GLUL: variants seen among roughly 807,000 people sequenced by gnomAD.
The protein encoded by GLUL is glutamine synthetase.
In GLUL, 8 loss-of-function variants were observed where a neutral mutation model predicts 36.9. The ratio of observed to expected loss-of-function variants is 0.22; its 90% CI spans 0.13 to 0.39. The LOEUF (loss-of-function observed/expected upper bound fraction) is 0.39. GLUL is among the 10% of genes least tolerant of loss of function. GLUL has a pLI of 1.00. For synonymous variants in GLUL, 182 were observed against 172.8 expected (o/e 1.05, Z -0.42); for missense variants, 315 against 501.8 (o/e 0.63, Z 3.56).
rs1394274169 is a variant in GLUL, at chr1:182,381,028, A to C, written c.*3377T>G. ...ACTTTGGGAGGTGGAGGAGTTCAAG[A>C]CCAGTTCAAGACCTCACTTTGGGAG... On this transcript the variant is annotated 3_prime_UTR_variant, in exon 7 of 7. Transcript: ENST00000331872. 6.6e-6 allele frequency among the ~76,000 whole-genome samples: 1 copy of C among 152,170 alleles called. No homozygotes were observed. The highest frequency in any genetic ancestry group is 1.5e-5 in the Non-Finnish European group (1 of 68,030).
chr1:182,389,019 G>A (rs1427749084), intron 1 of GLUL: 1 of 384,874 alleles, frequency 2.6e-6, no homozygotes, highest in African/African-American at 2.4e-5. Context: ...GAAAAGATCA[G>A]GCCCTTGGTA....
intron 1 of GLUL, chr1:182,390,558 A>G (rs1650367184): frequency 2.5e-6 from 1 of 398,914 alleles, no homozygotes. Context: ...CTCTTTTTGG[A>G]GTGGCGTTCG....
rs4652703 is a variant in GLUL, at chr1:182,379,708, G to C, written c.*4697C>G. Among the ~76,000 whole-genome samples, 89,340 of 151,534 alleles carry C rather than the reference G, an allele frequency of 0.59. 27,199 individuals carry two copies. Among genetic ancestry groups the C allele is most frequent in the East Asian group, 0.83 (4,294 of 5,148 alleles). On this transcript the variant is annotated 3_prime_UTR_variant, in exon 7 of 7. Coordinates refer to ENST00000331872, the MANE Select transcript of GLUL (RefSeq NM_001033044.4). ...TGCCACCACGCCCAGCTAATTTTTC[G>C]TATTTTTTGTAGAGATGGGGTTTTG...
intron 3 of GLUL, chr1:182,386,663 G>A (rs543540403): frequency 3.7e-6 from 2 of 541,580 alleles, no homozygotes; most frequent in East Asian, 3.4e-5. Context: ...AGTGGATTTA[G>A]AACAGGGCAA....
rs1470137376 is a variant in GLUL, at chr1:182,382,553, C to T, written c.*1852G>A. ...CCAGTTAATCTTACATTATGTTAGG[C>T]TATTGTATTAGGCTAGGAATGGTCA... is the stretch of plus-strand genomic sequence containing the variant. On this transcript the variant is annotated 3_prime_UTR_variant, in exon 7 of 7. Transcript: ENST00000331872. The T allele has an allele frequency of 2.0e-5, 3 of 152,132 alleles. No homozygotes were observed. Among genetic ancestry groups the T allele is most frequent in the African/African-American group, 7.2e-5 (3 of 41,396 alleles). The allele number at this position is 152,132 out of a possible 1,614,324, so 9.4% of individuals were successfully genotyped here.
In GLUL at chr1:182,378,213, A is replaced by G. The variant is rs1180435930; in HGVS notation, c.*6192T>C. 6.6e-6 allele frequency among the ~76,000 whole-genome samples: 1 copy of G among 152,210 alleles called. No individual in the cohort carries two copies. The highest frequency in any genetic ancestry group is 1.5e-5 in the Non-Finnish European group (1 of 68,024). On this transcript the variant is annotated 3_prime_UTR_variant, in exon 7 of 7. Transcript: ENST00000331872. The stretch of plus-strand genomic sequence containing the variant: ...AATAGATCTGCTGACTACGCCGTAC[A>G]GTGGAGGAAACACGCTGCAATCTCA...
rs1649819472 is a variant in GLUL, at chr1:182,378,696, A to G, written c.*5709T>C. Among the ~76,000 whole-genome samples the G allele has an allele frequency of 6.6e-6, 1 of 152,242 alleles. No individual in the cohort carries two copies. The highest frequency in any genetic ancestry group is 1.5e-5 in the Non-Finnish European group (1 of 68,044). On this transcript the variant is annotated 3_prime_UTR_variant, in exon 7 of 7. Coordinates refer to ENST00000331872, the MANE Select transcript of GLUL (RefSeq NM_001033044.4). ...CTTGTATTGTGTATCTAATGTGTACATATATGCATATTCTCACAAATATGG... is the reference window on the plus strand; with the variant it reads ...CTTGTATTGTGTATCTAATGTGTACGTATATGCATATTCTCACAAATATGG...
intron 4 of GLUL, 26 bp from the exon 5 acceptor site, chr1:182,385,913 TAA>T (rs768075449): frequency 6.2e-7 from 1 of 1,609,674 alleles, no homozygotes; most frequent in Non-Finnish European, 8.5e-7. Flanking sequence ...GACAAAACAC[TAA>T]GAGTCAAGAA....
chr1:182,388,754 G>A lies in GLUL; in HGVS notation c.-13-4C>T, dbSNP rs754552036. ...GGTGGTCATGGTGGAAGGTGTTCTG[G>A]AGAAGAAAAAAAGAATAACATTGTT... On this transcript the variant is annotated splice_polypyrimidine_tract_variant and splice_region_variant and intron_variant, in intron 1 of 6. Transcript: ENST00000331872. 1.2e-6 allele frequency: 2 copies of A among 1,611,738 alleles called. No individual in the cohort carries two copies. Among genetic ancestry groups the A allele is most frequent in the Non-Finnish European group, 1.7e-6 (2 of 1,178,032 alleles).
In GLUL at chr1:182,381,229, A is replaced by C. The variant is rs1291731193; in HGVS notation, c.*3176T>G. Among the ~76,000 whole-genome samples, 1 of 152,208 alleles carries C rather than the reference A, an allele frequency of 6.6e-6. No homozygotes were observed. Among genetic ancestry groups the C allele is most frequent in the Non-Finnish European group, 1.5e-5 (1 of 68,040 alleles). ...TTGCAGTGAGCCAAGATTGCGCCAC[A>C]CTATACTCCAGCCTGGGTGAGAGTC... On this transcript the variant is annotated 3_prime_UTR_variant, in exon 7 of 7. Transcript: ENST00000331872.
At chr1:182,390,928 C>A (rs1650387698) in intron 1 of GLUL, 2 of 398,392 alleles carry the variant, frequency 5.0e-6, no homozygotes, top group Non-Finnish European at 8.8e-6. Context: ...CTAAAGTGGG[C>A]GCCCTGCCCC....
At chr1:182,391,209 G>C in intron 1 of GLUL, 1 of 398,630 alleles carries the variant, frequency 2.5e-6, no homozygotes. Flanking sequence ...CTCAACCATC[G>C]CCAGAACCAG....
chr1:182,390,633 G>T (rs906450828), intron 1 of GLUL: 1 of 399,360 alleles, frequency 2.5e-6, no homozygotes, highest in African/African-American at 2.1e-5. Context: ...GAGGGCGATG[G>T]AGAAGGGGAC....
chr1:182,385,404 G>A lies in GLUL; in HGVS notation c.756C>T (p.Cys252=), dbSNP rs369513842. 6.2e-7 allele frequency: 1 copy of A among 1,613,768 alleles called. No homozygotes were observed. The highest frequency in any genetic ancestry group is 1.3e-5 in the African/African-American group (1 of 75,024). Residue 252 remains cysteine (C), a synonymous_variant, in exon 6 of 7, where the codon TGC becomes TGT. Coordinates refer to ENST00000331872, the MANE Select transcript of GLUL (RefSeq NM_001033044.4). ...PIPGNWNGAG[C]HTNFSTKAMR... is the part of the protein sequence containing the mutation. ...TGGCCTTGGTGCTGAAGTTGGTATG[G>A]CAGCCTGCACCATTCCAGTTCCCAG...
At position 182,381,086 on chromosome 1, in the gene GLUL, G is replaced by A. The variant is rs775026281; in HGVS notation, c.*3319C>T. Among the ~76,000 whole-genome samples, 4 of 152,194 alleles carry A rather than the reference G, an allele frequency of 2.6e-5. No homozygotes were observed. The highest frequency in any genetic ancestry group is 2.9e-5 in the Non-Finnish European group (2 of 68,036). On this transcript the variant is annotated 3_prime_UTR_variant, in exon 7 of 7. Coordinates refer to ENST00000331872, the MANE Select transcript of GLUL (RefSeq NM_001033044.4). ...GTTCAAGACCAGCCTGGCCAACATG[G>A]TGAAACCCCATCTGTACTAAAAATA...
intron 3 of GLUL, 102 bp from the exon 4 acceptor site, chr1:182,386,504 G>A: frequency 2.1e-6 from 2 of 932,902 alleles, no homozygotes; most frequent in Non-Finnish European, 3.6e-6. Flanking sequence ...TACAACTGAG[G>A]TGTGCACTAT....
In GLUL at chr1:182,378,809, ACT is replaced by A. The variant is rs1649822855; in HGVS notation, c.*5594_*5595del. On this transcript the variant is annotated 3_prime_UTR_variant, in exon 7 of 7. Transcript: ENST00000331872. ...TTTTTTTTTCTTGAGATGGAGTCAC[ACT>A]CTGTTGCCTAGGCTGGAGTGCAATG... Among the ~76,000 whole-genome samples, 1 of 152,000 alleles carries A rather than the reference ACT, an allele frequency of 6.6e-6. No individual in the cohort carries two copies.
At position 182,382,004 on chromosome 1, in the gene GLUL, CG is replaced by C; in HGVS notation, c.*2400del. 6.6e-6 allele frequency: 1 copy of C among 152,240 alleles called. No individual in the cohort carries two copies. Among genetic ancestry groups the C allele is most frequent in the Admixed American group, 6.5e-5 (1 of 15,278 alleles). 9.4% of individuals were successfully genotyped at this position (152,240 alleles called of 1,614,324 possible). A position where few individuals can be genotyped will look rare whatever the true frequency, so the allele number is the denominator to read the frequency against. On this transcript the variant is annotated 3_prime_UTR_variant, in exon 7 of 7. Transcript: ENST00000331872. ...GAGCCAACTTTCTTAAGAAAAACCA[CG>C]GATATCTAGGATTACTTGACTAGTG...
rs1650040784 is a variant in GLUL at position 182,383,754 on chromosome 1, AT to A, written c.*650del. 1 of 153,008 alleles carries A rather than the reference AT, an allele frequency of 6.5e-6. No homozygotes were observed. The highest frequency in any genetic ancestry group is 2.4e-5 in the African/African-American group (1 of 41,460). The allele number at this position is 153,008 out of a possible 1,614,324, so 9.5% of individuals were successfully genotyped here. A position where few individuals can be genotyped will look rare whatever the true frequency, so the allele number is the denominator to read the frequency against. Reference sequence around the variant, plus strand: ...CTTTACATTTAAATATAAAAATACTATTCTGCTTTGTGTGATAAATCAAGGA... The same window carrying A: ...CTTTACATTTAAATATAAAAATACTATCTGCTTTGTGTGATAAATCAAGGA... On this transcript the variant is annotated 3_prime_UTR_variant, in exon 7 of 7. Transcript: ENST00000331872.
Sources: allele counts gnomAD v4.1 joint callset (sites outside exome capture counted in the v4.1 genomes callset), GRCh38; gene constraint gnomAD v4.1.1; transcripts MANE v1.5; gene names NCBI Gene and HGNC (gene_info 2026-07-23, HGNC 2026-07-21).